The following PRLR variants were observed in gnomAD, a reference collection of about 807,000 sequenced individuals.
The protein encoded by PRLR is prolactin receptor, also known as hPRL receptor.
PRLR carries 13 observed loss-of-function variants against 40.2 expected under a neutral mutation model. The observed-to-expected ratio is 0.32, with a 90% CI of 0.21 to 0.51. The LOEUF (loss-of-function observed/expected upper bound fraction) is 0.51. Among genes scored for constraint, PRLR ranks in the 20% least tolerant of loss-of-function variants. The probability of loss-of-function intolerance (pLI) is 0.97; values close to 1 mark genes in which losing one functional copy is unlikely to be tolerated. For synonymous variants in PRLR, 269 were observed against 278.7 expected (o/e 0.97, Z 0.35); for missense variants, 656 against 747.3 (o/e 0.88, Z 1.42).
intron 1 of PRLR, among the ~76,000 whole-genome samples, chr5:35,132,221 T>TA (rs1773710174): frequency 6.6e-6 from 1 of 152,198 alleles, no homozygotes; most frequent in African/African-American, 2.4e-5. Context: ...CTTCATGTTC[T>TA]AGGTCTTTAG....
At chr5:35,222,260 G>A (rs543231795) in intron 1 of PRLR, among the ~76,000 whole-genome samples, 4 of 152,020 alleles carry the variant, frequency 2.6e-5, no homozygotes, top group Middle Eastern at 6.8e-3. Flanking sequence ...CCGAGATCGC[G>A]CCACTGCACT....
chr5:35,066,543 T>C (rs1401400842), intron 9 of PRLR, among the ~76,000 whole-genome samples: 1 of 152,050 alleles, frequency 6.6e-6, no homozygotes, highest in Non-Finnish European at 1.5e-5. Context: ...TTTCCTTCTG[T>C]GGTTCATCTT....
At chr5:35,123,118 G>A (rs1176044979) in intron 1 of PRLR, among the ~76,000 whole-genome samples, 8 of 152,284 alleles carry the variant, frequency 5.3e-5, no homozygotes, top group Admixed American at 3.9e-4. Flanking sequence ...CTAGTTACAG[G>A]TGAAGGATAG....
At chr5:35,074,800 TA>T (rs879660476) in intron 5 of PRLR, among the ~76,000 whole-genome samples, 15 of 149,346 alleles carry the variant, frequency 1.0e-4, no homozygotes, top group East Asian at 3.9e-4. Context: ...TGGCAAGAAT[TA>T]AAAAAAAAAT....
chr5:35,214,959 A>T (rs1353490816), intron 1 of PRLR, among the ~76,000 whole-genome samples: 3 of 152,208 alleles, frequency 2.0e-5, no homozygotes, highest in Non-Finnish European at 4.4e-5. Flanking sequence ...AACCTCCTAG[A>T]TCCCTGCTGA....
At position 35,151,811 on chromosome 5, in the gene PRLR, G is replaced by C. The variant is rs530789015; in HGVS notation, c.-105-33689C>G. On this transcript the variant is annotated intron_variant, in intron 1 of 9. Transcript: ENST00000618457. Reference sequence around the variant, plus strand: ...TTTCCAAGCCATTTGAGTGTTCACAGCTGAGAACCCAGACATTACACAACA... The same window carrying C: ...TTTCCAAGCCATTTGAGTGTTCACACCTGAGAACCCAGACATTACACAACA... Among the ~76,000 whole-genome samples the C allele has an allele frequency of 3.3e-4, 50 of 152,308 alleles. No individual in the cohort carries two copies. In the South Asian group the frequency reaches 6.6e-3, roughly 20 times the overall value.
At chr5:35,118,863 G>T (rs943270136) in intron 1 of PRLR, among the ~76,000 whole-genome samples, 1 of 151,664 alleles carries the variant, frequency 6.6e-6, no homozygotes, top group Non-Finnish European at 1.5e-5. Context: ...ACAGCTCACT[G>T]CAACTTCAAC....
At chr5:35,136,303 A>G (rs767076717) in intron 1 of PRLR, among the ~76,000 whole-genome samples, 11 of 152,216 alleles carry the variant, frequency 7.2e-5, no homozygotes, top group Non-Finnish European at 1.6e-4. Context: ...AAGGAAAAAG[A>G]GACGAGCAGC....
intron 1 of PRLR, among the ~76,000 whole-genome samples, chr5:35,228,080 T>C (rs566741066): frequency 1.2e-4 from 19 of 152,244 alleles, no homozygotes; most frequent in African/African-American, 3.4e-4. Context: ...TCTACTAATG[T>C]AAGCCCCATA....
At chr5:35,127,675 A>G (rs1020344947) in intron 1 of PRLR, among the ~76,000 whole-genome samples, 1 of 152,210 alleles carries the variant, frequency 6.6e-6, no homozygotes, top group Admixed American at 6.5e-5. Flanking sequence ...CAGCCATAGA[A>G]AAAAAGGAAG....
At chr5:35,106,764 CATA>C (rs1772285444) in intron 2 of PRLR, among the ~76,000 whole-genome samples, 1 of 152,138 alleles carries the variant, frequency 6.6e-6, no homozygotes, top group South Asian at 2.1e-4. Flanking sequence ...TATACTCCCA[CATA>C]ATAATAATGG....
chr5:35,216,138 G>C (rs1216560607), intron 1 of PRLR, among the ~76,000 whole-genome samples: 2 of 152,126 alleles, frequency 1.3e-5, no homozygotes, highest in Non-Finnish European at 2.9e-5. Flanking sequence ...CAAGGCTTCT[G>C]GAAATTGTAG....
At chr5:35,104,536 T>C (rs908129762) in intron 2 of PRLR, among the ~76,000 whole-genome samples, 8 of 152,128 alleles carry the variant, frequency 5.3e-5, no homozygotes, top group Non-Finnish European at 1.0e-4. Context: ...ACTGCACTTT[T>C]CCAATGGTCT....
intron 1 of PRLR, among the ~76,000 whole-genome samples, chr5:35,197,865 G>A (rs1775778021): frequency 6.6e-6 from 1 of 152,232 alleles, no homozygotes; most frequent in Non-Finnish European, 1.5e-5. Flanking sequence ...CATCCCCTGA[G>A]GGCATGCCTT....
intron 5 of PRLR, among the ~76,000 whole-genome samples, chr5:35,073,214 C>G (rs1026130570): frequency 3.3e-5 from 5 of 152,192 alleles, no homozygotes; most frequent in Admixed American, 2.0e-4. Flanking sequence ...CTGCAGATAA[C>G]AGGTTTACAG....
chr5:35,201,714 C>T (rs1264280338), intron 1 of PRLR, among the ~76,000 whole-genome samples: 1 of 152,030 alleles, frequency 6.6e-6, no homozygotes, highest in Non-Finnish European at 1.5e-5. Context: ...CTCTTCTCTT[C>T]TCCTCTCCTC....
chr5:35,119,698 G>A (rs1773214171), intron 1 of PRLR, among the ~76,000 whole-genome samples: 1 of 152,146 alleles, frequency 6.6e-6, no homozygotes, highest in Non-Finnish European at 1.5e-5. Flanking sequence ...TTCTCTCTTT[G>A]ATTAGAGTTG....
intron 1 of PRLR, among the ~76,000 whole-genome samples, chr5:35,218,583 TC>T (rs142191336): frequency 0.019 from 2,893 of 152,270 alleles, 93 homozygotes; most frequent in African/African-American, 0.067. Flanking sequence ...TCTGTTACTT[TC>T]ACGCTAGTTA....
At chr5:35,079,258 A>C (rs1172758680) in intron 5 of PRLR, among the ~76,000 whole-genome samples, 1 of 152,194 alleles carries the variant, frequency 6.6e-6, no homozygotes, top group Non-Finnish European at 1.5e-5. Context: ...GGAAAAGAGG[A>C]AGTCAAATTG....
Sources: allele counts gnomAD v4.1 joint callset (sites outside exome capture counted in the v4.1 genomes callset), GRCh38; gene constraint gnomAD v4.1.1; transcripts MANE v1.5; gene names NCBI Gene and HGNC (gene_info 2026-07-23, HGNC 2026-07-21).